Variants in PPTC7 observed in about 807,000 individuals in gnomAD.
PPTC7 encodes the protein protein phosphatase PTC7 homolog.
Under a neutral mutation model 30.8 loss-of-function variants are expected in PPTC7, and 6 were observed. That is an observed-to-expected ratio of 0.19 (90% confidence interval 0.11 to 0.38). The LOEUF is 0.38. Ranked by LOEUF, PPTC7 falls within the 10% of genes least tolerant of loss-of-function variation. The pLI, the probability that PPTC7 is intolerant of heterozygous loss-of-function variation, is 1.00. For missense variants in PPTC7, 218 were observed against 404.8 expected (o/e 0.54, Z 3.96); for synonymous variants, 163 against 168.1 (o/e 0.97, Z 0.23).
intron 1 of PPTC7, among the ~76,000 whole-genome samples, chr12:110,564,487 T>G (rs942555617): frequency 6.6e-6 from 1 of 152,202 alleles, no homozygotes; most frequent in Admixed American, 6.5e-5. Context: ...AGATTAGATC[T>G]AGAATTCTTG....
At chr12:110,559,274 C>T (rs2064417094) in intron 1 of PPTC7, among the ~76,000 whole-genome samples, 1 of 152,060 alleles carries the variant, frequency 6.6e-6, no homozygotes. Flanking sequence ...AAGTGATCCT[C>T]CTGCCTCAGT....
intron 2 of PPTC7, among the ~76,000 whole-genome samples, chr12:110,547,248 C>T (rs551128141): frequency 8.5e-5 from 13 of 152,310 alleles, no homozygotes; most frequent in African/African-American, 1.9e-4. Flanking sequence ...TACACCATCA[C>T]GTAATACTCA....
At chr12:110,574,140 T>TAAAAA (rs2064565602) in intron 1 of PPTC7, among the ~76,000 whole-genome samples, 1 of 11,208 alleles carries the variant, frequency 8.9e-5, no homozygotes, top group African/African-American at 3.1e-4. Context: ...TCCACAATAA[T>TAAAAA]TAAAAAAAAA....
intron 1 of PPTC7, among the ~76,000 whole-genome samples, chr12:110,575,036 C>T (rs1186410896): frequency 2.6e-5 from 4 of 151,390 alleles, no homozygotes; most frequent in Admixed American, 6.6e-5. Flanking sequence ...ATGATCCACC[C>T]GCCTTGGCCT....
chr12:110,538,024 G>C, intron 5 of PPTC7, 120 bp downstream of exon 5: 2 of 1,046,232 alleles, frequency 1.9e-6, no homozygotes, highest in Non-Finnish European at 2.8e-6. Context: ...AAAGCCACAA[G>C]TGCACAGTTT....
At position 110,534,487 on chromosome 12, in the gene PPTC7, C is replaced by G. The variant is rs2064203597; in HGVS notation, c.*2550G>C. On this transcript the variant is annotated 3_prime_UTR_variant, in exon 6 of 6. Coordinates refer to ENST00000354300, the MANE Select transcript of PPTC7 (RefSeq NM_139283.2). ...ACCAAGTGGTACAGCACAGTAACAA[C>G]CCATGGAAGCTTGGGTCTGTGACCT... 1 of 151,834 alleles carries G rather than the reference C, an allele frequency of 6.6e-6. No individual in the cohort carries two copies. The highest frequency in any genetic ancestry group is 1.5e-5 in the Non-Finnish European group (1 of 68,006). 9.4% of individuals were successfully genotyped at this position (151,834 alleles called of 1,614,324 possible).
rs145253844 is a variant in PPTC7, at chr12:110,562,661, C to T, written c.224-10693G>A. On this transcript the variant is annotated intron_variant, in intron 1 of 5. Coordinates refer to ENST00000354300, the MANE Select transcript of PPTC7 (RefSeq NM_139283.2). ...TACAAAAATGACCCAGGTATGGTGG[C>T]GCATGACTGTAATACCACCTAGCTG... is the stretch of plus-strand genomic sequence containing the variant. Among the ~76,000 whole-genome samples, 109 of 151,520 alleles carry T rather than the reference C, an allele frequency of 7.2e-4. 3 individuals carry two copies. In the East Asian group the frequency reaches 8.6e-3, roughly 12 times the overall value.
chr12:110,560,030 G>T (rs1241076546), intron 1 of PPTC7, among the ~76,000 whole-genome samples: 1 of 152,122 alleles, frequency 6.6e-6, no homozygotes, highest in East Asian at 1.9e-4. Context: ...GCCCAGCCAA[G>T]AAGAAAATTC....
chr12:110,580,422 T>C (rs2064626933), intron 1 of PPTC7, among the ~76,000 whole-genome samples: 1 of 151,908 alleles, frequency 6.6e-6, no homozygotes, highest in Non-Finnish European at 1.5e-5. Flanking sequence ...CACCGCAACC[T>C]CCATCTCCCA....
Position 110,582,855 on chromosome 12 carries a change from C to G in PPTC7, c.177G>C (p.Gly59=), listed in dbSNP as rs555791461. The G allele has an allele frequency of 1.3e-6, 2 of 1,560,786 alleles. No homozygotes were observed. Among genetic ancestry groups the G allele is most frequent in the East Asian group, 4.8e-5 (2 of 41,782 alleles). The change falls in exon 1 of 6, where the codon GGG becomes GGC. Residue 59 remains glycine (G), a synonymous_variant. Transcript: ENST00000354300. The stretch of plus-strand genomic sequence containing the variant: ...GCCGGGCCACGAAGCACGCGTCGTC[C>G]CCGTAGCACGCGCCCTTCTTGAGGA... ...KGLLKKGACY[G]DDACFVARHR...
At chr12:110,582,787 G>A in intron 1 of PPTC7, 22 bp downstream of exon 1, 1 of 1,534,808 alleles carries the variant, frequency 6.5e-7, no homozygotes, top group Non-Finnish European at 8.8e-7. Flanking sequence ...GCTGGGGCAA[G>A]GGAACCGGGT....
In PPTC7 at chr12:110,533,984, AAT is replaced by A. The variant is rs1319399472; in HGVS notation, c.*3051_*3052del. ...CCAACCCCCAGACATGCATACCTGG[AAT>A]GGATTCTTTTGTGATTTAGTACCCA... On this transcript the variant is annotated 3_prime_UTR_variant, in exon 6 of 6. Coordinates refer to ENST00000354300, the MANE Select transcript of PPTC7 (RefSeq NM_139283.2). 1 of 152,202 alleles carries A rather than the reference AAT, an allele frequency of 6.6e-6. No individual in the cohort carries two copies. The highest frequency in any genetic ancestry group is 1.5e-5 in the Non-Finnish European group (1 of 68,022). The allele number at this position is 152,202 out of a possible 1,614,324, so 9.4% of individuals were successfully genotyped here.
intron 1 of PPTC7, among the ~76,000 whole-genome samples, chr12:110,554,949 GTATCA>G (rs1467066913): frequency 1.3e-5 from 2 of 152,118 alleles, no homozygotes; most frequent in African/African-American, 4.8e-5. Context: ...TCATGAGCAT[GTATCA>G]TATGATTTTT....
chr12:110,579,181 A>G (rs1352521796), intron 1 of PPTC7, among the ~76,000 whole-genome samples: 1 of 152,030 alleles, frequency 6.6e-6, no homozygotes, highest in African/African-American at 2.4e-5. Flanking sequence ...CTTTTACGGT[A>G]TCAACTAAAT....
At position 110,583,002 on chromosome 12, in the gene PPTC7, C is replaced by G; in HGVS notation, c.30G>C (p.Leu10=). Residue 10 remains leucine (L), a synonymous_variant, in exon 1 of 6, where the codon CTG becomes CTC. Coordinates refer to ENST00000354300, the MANE Select transcript of PPTC7 (RefSeq NM_139283.2). The part of the protein sequence containing the change: MFSVLSYGR[L]VARAVLGGLS... ...GGCCGCCGAGCACGGCGCGGGCCAC[C>G]AGCCGCCCGTACGAGAGGACCGAGA... 1.3e-6 allele frequency: 2 copies of G among 1,492,878 alleles called. No individual in the cohort carries two copies. The highest frequency in any genetic ancestry group is 8.9e-7 in the Non-Finnish European group (1 of 1,127,398). 92.5% of individuals were successfully genotyped at this position (1,492,878 alleles called of 1,614,324 possible). A position where few individuals can be genotyped will look rare whatever the true frequency, so the allele number is the denominator to read the frequency against.
Position 110,533,373 on chromosome 12 carries a change from TAATGATA to T in PPTC7, c.*3657_*3663del, listed in dbSNP as rs2064183805. ...ATTGCCTCTTGGGTAATAAGACAAA[TAATGATA>T]GTCTCAACAGAAAAAAAGCAGCTCA... is the stretch of plus-strand genomic sequence containing the variant. On this transcript the variant is annotated 3_prime_UTR_variant, in exon 6 of 6. Coordinates refer to ENST00000354300, the MANE Select transcript of PPTC7 (RefSeq NM_139283.2). 1 of 152,176 alleles carries T rather than the reference TAATGATA, an allele frequency of 6.6e-6. No homozygotes were observed. Among genetic ancestry groups the T allele is most frequent in the African/African-American group, 2.4e-5 (1 of 41,422 alleles). The allele number at this position is 152,176 out of a possible 1,614,324, so 9.4% of individuals were successfully genotyped here. A position where few individuals can be genotyped will look rare whatever the true frequency, so the allele number is the denominator to read the frequency against.
chr12:110,554,771 A>G (rs915800411), intron 1 of PPTC7, among the ~76,000 whole-genome samples: 2 of 152,216 alleles, frequency 1.3e-5, no homozygotes, highest in Non-Finnish European at 2.9e-5. Flanking sequence ...ACACTGAGAG[A>G]AAATGTCAAA....
Position 110,534,942 on chromosome 12 carries a change from T to C in PPTC7, c.*2095A>G, listed in dbSNP as rs577649578. 2 of 152,768 alleles carry C rather than the reference T, an allele frequency of 1.3e-5. No individual in the cohort carries two copies. The highest frequency in any genetic ancestry group is 3.9e-4 in the East Asian group (2 of 5,194). 9.5% of individuals were successfully genotyped at this position (152,768 alleles called of 1,614,324 possible). The stretch of plus-strand genomic sequence containing the variant: ...GGCGTTGGAAAATGAATGCAAAATA[T>C]ATCCAGATCATAAGGCTACATACTC... On this transcript the variant is annotated 3_prime_UTR_variant, in exon 6 of 6. Coordinates refer to ENST00000354300, the MANE Select transcript of PPTC7 (RefSeq NM_139283.2).
At chr12:110,540,317 CCG>C (rs1491070033) in intron 3 of PPTC7, among the ~76,000 whole-genome samples, 2 of 129,682 alleles carry the variant, frequency 1.5e-5, no homozygotes, top group African/African-American at 5.6e-5. Flanking sequence ...CCATCCCCCC[CCG>C]CCTTTTTTTT....
Sources: allele counts gnomAD v4.1 joint callset (sites outside exome capture counted in the v4.1 genomes callset), GRCh38; gene constraint gnomAD v4.1.1; transcripts MANE v1.5; gene names NCBI Gene and HGNC (gene_info 2026-07-23, HGNC 2026-07-21).